NGF: variants seen among roughly 807,000 people sequenced by gnomAD.
NGF encodes the protein nerve growth factor, also known as beta-nerve growth factor.
NGF carries 4 observed loss-of-function variants against 12.8 expected under a neutral mutation model. The ratio of observed to expected loss-of-function variants is 0.31; its 90% CI spans 0.15 to 0.72. NGF has a LOEUF of 0.72. Among genes scored for constraint, NGF ranks in the 30% least tolerant of loss-of-function variants. The pLI, the probability that NGF is intolerant of heterozygous loss-of-function variation, is 0.69. For missense variants in NGF, 283 were observed against 330.8 expected, an observed-to-expected ratio of 0.86 and a Z score of 1.12; for synonymous variants, 140 against 130.0, an observed-to-expected ratio of 1.08 and a Z score of -0.52.
At chr1:115,308,976 C>A (rs529797839) in intron 1 of NGF, among the ~76,000 whole-genome samples, 1 of 152,252 alleles carries the variant, frequency 6.6e-6, no homozygotes, top group South Asian at 2.1e-4. Flanking sequence ...GCCTTTCAGA[C>A]ATTGATTTTA....
intron 2 of NGF, 125 bp from the exon 3 acceptor site, chr1:115,286,932 C>G: frequency 8.4e-7 from 1 of 1,190,052 alleles, no homozygotes; most frequent in South Asian, 1.2e-5. Flanking sequence ...AACCGGGGCA[C>G]TTCTGAGAGG....
chr1:115,297,665 C>T (rs1571077750), intron 1 of NGF, among the ~76,000 whole-genome samples: 1 of 152,192 alleles, frequency 6.6e-6, no homozygotes, highest in African/African-American at 2.4e-5. Context: ...GCTATTGAAA[C>T]CTGATAACTC....
intron 1 of NGF, among the ~76,000 whole-genome samples, chr1:115,308,196 C>A (rs1284904921): frequency 6.6e-6 from 1 of 152,210 alleles, no homozygotes; most frequent in Non-Finnish European, 1.5e-5. Context: ...GGAGCTGGGG[C>A]TGCAGAGAGG....
chr1:115,333,499 TAAAA>T (rs34024301), intron 1 of NGF, among the ~76,000 whole-genome samples: 2 of 76,594 alleles, frequency 2.6e-5, no homozygotes, highest in Admixed American at 1.4e-4. Flanking sequence ...ATAGTACTAC[TAAAA>T]AAAAAAAAAA....
At chr1:115,307,988 A>G (rs1383359608) in intron 1 of NGF, among the ~76,000 whole-genome samples, 1 of 152,270 alleles carries the variant, frequency 6.6e-6, no homozygotes, top group Non-Finnish European at 1.5e-5. Context: ...GGACAACATT[A>G]GGGGAATTGG....
In NGF at chr1:115,286,397, G is replaced by T. The variant is rs746897874; in HGVS notation, c.399C>A (p.Phe133Leu). ...ACACGCTGACACTGTCACACACCGA[G>T]AATTCGCCCCTGTGGAAGATGGGAT... ...SSHPIFHRGE[F>L]SVCDSVSVWV... Residue 133 changes from phenylalanine (F) to leucine (L), a missense_variant, in exon 3 of 3, where the codon TTC (phenylalanine) becomes TTA (leucine). This residue lies in a region of NGF where 132 missense variants were observed against 189.2 expected (regional missense o/e 0.70). Coordinates refer to ENST00000369512, the MANE Select transcript of NGF (RefSeq NM_002506.3). 1.9e-5 allele frequency: 31 copies of T among 1,613,784 alleles called. No individual in the cohort carries two copies. The highest frequency in any genetic ancestry group is 1.9e-5 in the Non-Finnish European group (23 of 1,180,016).
intron 1 of NGF, among the ~76,000 whole-genome samples, chr1:115,310,166 C>G (rs529289880): frequency 6.6e-6 from 1 of 152,140 alleles, no homozygotes; most frequent in Non-Finnish European, 1.5e-5. Flanking sequence ...AAGGAGAATA[C>G]GCATGAAATT....
chr1:115,293,134 C>T (rs1271424844), intron 2 of NGF, among the ~76,000 whole-genome samples: 1 of 152,002 alleles, frequency 6.6e-6, no homozygotes, highest in Non-Finnish European at 1.5e-5. Flanking sequence ...AATGAGAAAC[C>T]AGAGATGTAG....
At position 115,324,950 on chromosome 1, in the gene NGF, C is replaced by T. The variant is rs190210039; in HGVS notation, c.-137+13254G>A. Among the ~76,000 whole-genome samples the T allele has an allele frequency of 7.1e-3, 1,078 of 152,250 alleles. 17 individuals carry two copies. Among genetic ancestry groups the T allele is most frequent in the African/African-American group, 0.025 (1,019 of 41,546 alleles). On this transcript the variant is annotated intron_variant, in intron 1 of 2. Transcript: ENST00000369512. ...ACACAGCAAAGTTCCTGCCCTCATTCATATGTTCTTGTGGAGGAGACAGAT... is the reference window on the plus strand; with the variant it reads ...ACACAGCAAAGTTCCTGCCCTCATTTATATGTTCTTGTGGAGGAGACAGAT...
At chr1:115,309,587 C>T (rs1654288784) in intron 1 of NGF, among the ~76,000 whole-genome samples, 1 of 152,112 alleles carries the variant, frequency 6.6e-6, no homozygotes, top group Non-Finnish European at 1.5e-5. Flanking sequence ...CTCCTGACTC[C>T]CTGAAAGGCC....
intron 1 of NGF, among the ~76,000 whole-genome samples, chr1:115,295,530 A>T (rs1653840787): frequency 6.6e-6 from 1 of 152,066 alleles, no homozygotes; most frequent in African/African-American, 2.4e-5. Context: ...TCATGGGAAG[A>T]TGGTTTCGTC....
At position 115,286,558 on chromosome 1, in the gene NGF, G is replaced by A. The variant is rs778266438; in HGVS notation, c.238C>T (p.Arg80Trp). 1.4e-5 allele frequency: 23 copies of A among 1,614,064 alleles called. No homozygotes were observed. The highest frequency in any genetic ancestry group is 5.0e-5 in the Admixed American group (3 of 60,010). Residue 80 changes from arginine to tryptophan, a missense_variant, in exon 3 of 3, where the codon CGG becomes TGG. Coordinates refer to ENST00000369512, the MANE Select transcript of NGF (RefSeq NM_002506.3). ...ITVDPRLFKK[R>W]RLRSPRVLFS... ...AGCACACGGGGTGAACGGAGTCGCC[G>A]CTTTTTAAACAGCCTGGGGTCCACA...
At chr1:115,291,260 C>T (rs1653686359) in intron 2 of NGF, among the ~76,000 whole-genome samples, 1 of 152,034 alleles carries the variant, frequency 6.6e-6, no homozygotes. Context: ...TAAAAGTGAT[C>T]AGTAGATAAA....
At position 115,305,802 on chromosome 1, in the gene NGF, T is replaced by C. The variant is rs571276973; in HGVS notation, c.-136-12052A>G. Among the ~76,000 whole-genome samples the C allele has an allele frequency of 1.3e-4, 20 of 152,328 alleles. No homozygotes were observed. The East Asian group carries it at 3.9e-3, about 29-fold the overall frequency. ...AATTTATAGAAATAGAATGTGGCTA[T>C]TCTATTTAATTTTATGCATTTTGGA... On this transcript the variant is annotated intron_variant, in intron 1 of 2. Transcript: ENST00000369512.
intron 2 of NGF, among the ~76,000 whole-genome samples, chr1:115,288,807 G>T (rs943528655): frequency 6.6e-6 from 1 of 152,190 alleles, no homozygotes; most frequent in Non-Finnish European, 1.5e-5. Context: ...ATGAAAGAAA[G>T]AATGAATGAG....
intron 1 of NGF, among the ~76,000 whole-genome samples, chr1:115,304,984 G>C (rs1654159374): frequency 6.6e-6 from 1 of 152,262 alleles, no homozygotes; most frequent in South Asian, 2.1e-4. Context: ...GGCAGGGATA[G>C]GATAGAAATC....
intron 1 of NGF, among the ~76,000 whole-genome samples, chr1:115,330,487 A>T (rs1189553893): frequency 2.0e-5 from 3 of 152,196 alleles, no homozygotes; most frequent in Non-Finnish European, 2.9e-5. Context: ...GACTCTATCA[A>T]TCCACCCTCC....
intron 1 of NGF, among the ~76,000 whole-genome samples, chr1:115,302,370 C>G (rs1240637222): frequency 2.6e-5 from 4 of 152,196 alleles, no homozygotes; most frequent in Non-Finnish European, 4.4e-5. Flanking sequence ...CAGACATCCT[C>G]CTTACTTCCA....
chr1:115,316,540 T>C (rs1571089165), intron 1 of NGF, among the ~76,000 whole-genome samples: 1 of 152,182 alleles, frequency 6.6e-6, no homozygotes, highest in Non-Finnish European at 1.5e-5. Flanking sequence ...AAATGGATGA[T>C]CTCACTTAAT....
Sources: allele counts gnomAD v4.1 joint callset (sites outside exome capture counted in the v4.1 genomes callset), GRCh38; gene constraint gnomAD v4.1.1; regional missense constraint gnomAD v4.1.1; transcripts MANE v1.5; gene names NCBI Gene and HGNC (gene_info 2026-07-23, HGNC 2026-07-21).